Variants in ARL17B observed in about 807,000 individuals in gnomAD.
ARL17B encodes the protein ADP-ribosylation factor-like protein 17.
intron 4 of ARL17B, among the ~76,000 whole-genome samples, chr17:46,290,733 C>T (rs2050044275): frequency 6.6e-6 from 1 of 152,256 alleles, no homozygotes; most frequent in African/African-American, 2.4e-5. Context: ...AGGCATGAGC[C>T]ATTGCGCCCA....
At chr17:46,279,849 A>G (rs987190138) in intron 4 of ARL17B, among the ~76,000 whole-genome samples, 10 of 152,004 alleles carry the variant, frequency 6.6e-5, no homozygotes, top group African/African-American at 2.4e-4. Flanking sequence ...ATTGCCTTTC[A>G]TTTTTATCCC....
chr17:46,288,121 A>C (rs2732611), intron 4 of ARL17B, among the ~76,000 whole-genome samples: 18,685 of 148,530 alleles, frequency 0.13, 946 homozygotes, highest in Non-Finnish European at 0.19. Flanking sequence ...TGAAGGAATA[A>C]TACATGGCTA....
chr17:46,277,207 A>G (rs1461188927), intron 4 of ARL17B, among the ~76,000 whole-genome samples: 7 of 152,256 alleles, frequency 4.6e-5, no homozygotes, highest in Non-Finnish European at 1.0e-4. Flanking sequence ...GCTACATAAA[A>G]TAACCAGGTG....
At chr17:46,286,129 A>G (rs1286994662) in intron 4 of ARL17B, among the ~76,000 whole-genome samples, 1 of 152,274 alleles carries the variant, frequency 6.6e-6, no homozygotes, top group Admixed American at 6.5e-5. Flanking sequence ...TTCAAAACAG[A>G]TGGGATGATG....
At chr17:46,287,222 C>T (rs1397479427) in intron 4 of ARL17B, among the ~76,000 whole-genome samples, 15 of 152,216 alleles carry the variant, frequency 9.9e-5, no homozygotes, top group Admixed American at 3.9e-4. Flanking sequence ...TAAAAACATA[C>T]TGGAATTTGA....
rs2052236039 is a variant in ARL17B at position 46,334,962 on chromosome 17, T to C, written c.*4538A>G. 1 of 85,206 alleles carries C rather than the reference T, an allele frequency of 1.2e-5. No individual in the cohort carries two copies. Among genetic ancestry groups the C allele is most frequent in the African/African-American group, 3.3e-5 (1 of 30,022 alleles). 5.3% of individuals were successfully genotyped at this position (85,206 alleles called of 1,614,324 possible). On this transcript the variant is annotated 3_prime_UTR_variant, in exon 4 of 4. Coordinates refer to ENST00000450673, the MANE Select transcript of ARL17B (RefSeq NM_001039083.5). Reference sequence around the variant, plus strand: ...GACTTAAATTACATGGGGCCAGGCATGGTGGCTCACACTTGTAATCCCAAC... The same window carrying C: ...GACTTAAATTACATGGGGCCAGGCACGGTGGCTCACACTTGTAATCCCAAC...
rs538924392 is a variant in ARL17B, at chr17:46,288,734, C to T, written c.*21+10792G>A. 2.7e-5 allele frequency among the ~76,000 whole-genome samples: 4 copies of T among 148,794 alleles called. No homozygotes were observed. In the South Asian group the frequency reaches 8.4e-4, roughly 31 times the overall value. ...TTTTTTTTTTTTTGAGACTGGGTCT[C>T]ACTCTGTCACCCAGGTTAGAGTGCA... On this transcript the variant is annotated intron_variant, in intron 4 of 4. Transcript: ENST00000570618.
At chr17:46,290,937 G>C (rs2050049830) in intron 4 of ARL17B, among the ~76,000 whole-genome samples, 1 of 152,180 alleles carries the variant, frequency 6.6e-6, no homozygotes, top group South Asian at 2.1e-4. Context: ...GGGTAACCCA[G>C]CCCTATGCAC....
At chr17:46,307,784 G>A (rs2050617824) in intron 3 of ARL17B, among the ~76,000 whole-genome samples, 1 of 79,172 alleles carries the variant, frequency 1.3e-5, no homozygotes, top group African/African-American at 3.1e-5. Context: ...TTGCTGAGGT[G>A]GGTGGATCAC....
At chr17:46,287,774 TGTCTACACTGCTTGGCAGG>T (rs1313234067) in intron 4 of ARL17B, among the ~76,000 whole-genome samples, 1 of 152,212 alleles carries the variant, frequency 6.6e-6, no homozygotes, top group Non-Finnish European at 1.5e-5. Context: ...ATCCAGAATC[TGTCTACACTGCTTGGCAGG>T]GTCTACACTG....
intron 4 of ARL17B, among the ~76,000 whole-genome samples, chr17:46,276,549 A>G (rs1164754747): frequency 4.6e-5 from 7 of 152,240 alleles, no homozygotes; most frequent in South Asian, 2.1e-4. Flanking sequence ...GATGGTATAA[A>G]TGATGAATTA....
chr17:46,275,739 A>T (rs1598057880), intron 4 of ARL17B, among the ~76,000 whole-genome samples: 1 of 152,224 alleles, frequency 6.6e-6, no homozygotes, highest in East Asian at 1.9e-4. Context: ...TTGTGGTGAA[A>T]GGTGCGTGTG....
rs1396375522 is a variant in ARL17B, at chr17:46,314,543, G to C, written c.260-14878C>G. On this transcript the variant is annotated intron_variant, in intron 3 of 4. Transcript: ENST00000434041. ...TTTATCCGTTTATCAGGCTGCTCTC[G>C]AACTCCTAACCTCAGATGATCCACC... Among the ~76,000 whole-genome samples the C allele has an allele frequency of 6.3e-5, 5 of 78,834 alleles. 2 individuals carry two copies. The highest frequency in any genetic ancestry group is 2.5e-4 in the East Asian group (1 of 4,046). 51.7% of individuals were successfully genotyped at this position (78,834 alleles called of 152,430 possible).
rs1277601477 is a variant in ARL17B at position 46,350,623 on chromosome 17, T to C, written c.259+2197A>G. ...TGGCTCACACTATGGTCTCAGCACT[T>C]TGGGAGGCCAAGGTGGGCAGATGCT... On this transcript the variant is annotated intron_variant, in intron 3 of 3. Transcript: ENST00000450673. Among the ~76,000 whole-genome samples, 10 of 85,742 alleles carry C rather than the reference T, an allele frequency of 1.2e-4. No homozygotes were observed. In the East Asian group the frequency reaches 2.4e-3, roughly 20 times the overall value. 56.3% of individuals were successfully genotyped at this position (85,742 alleles called of 152,430 possible).
chr17:46,282,544 A>T (rs1486896475), intron 4 of ARL17B, among the ~76,000 whole-genome samples: 3 of 150,540 alleles, frequency 2.0e-5, no homozygotes, highest in Admixed American at 1.3e-4. Context: ...CCTCCCAAGT[A>T]GCTGGGACTA....
At chr17:46,282,263 C>T (rs1246092787) in intron 4 of ARL17B, among the ~76,000 whole-genome samples, 5 of 151,214 alleles carry the variant, frequency 3.3e-5, no homozygotes, top group East Asian at 2.0e-4. Context: ...CCACCACGCC[C>T]GCCTAATTTT....
At chr17:46,275,261 A>G in exon 5 of ARL17B, 1 of 507,388 alleles carries the variant, frequency 2.0e-6, no homozygotes, top group Middle Eastern at 6.5e-4. Context: ...GACCAATAAA[A>G]ACAAAGTTTA....
chr17:46,310,374 T>G (rs1237180412), intron 3 of ARL17B: 2 of 116,632 alleles, frequency 1.7e-5, no homozygotes, highest in African/African-American at 5.6e-5. Context: ...GCAAATAATT[T>G]TCAATGCAGC....
Position 46,323,643 on chromosome 17 carries a change from T to C in ARL17B, c.260-23978A>G, listed in dbSNP as rs1435310035. Reference sequence around the variant, plus strand: ...AACTCCTGACCTCAAGTGATCCGCCTGCCTCAGCCTCCCAAAGTGCTAGGA... The same window carrying C: ...AACTCCTGACCTCAAGTGATCCGCCCGCCTCAGCCTCCCAAAGTGCTAGGA... On this transcript the variant is annotated intron_variant, in intron 3 of 4. Transcript: ENST00000434041. Among the ~76,000 whole-genome samples, 2 of 100,324 alleles carry C rather than the reference T, an allele frequency of 2.0e-5. 1 individual carries two copies. The highest frequency in any genetic ancestry group is 4.7e-5 in the Non-Finnish European group (2 of 42,948). The allele number at this position is 100,324 out of a possible 152,430, so 65.8% of individuals were successfully genotyped here.
Sources: allele counts gnomAD v4.1 joint callset (sites outside exome capture counted in the v4.1 genomes callset), GRCh38; gene constraint gnomAD v4.1.1; transcripts MANE v1.5; gene names NCBI Gene and HGNC (gene_info 2026-07-23, HGNC 2026-07-21).